Variants in VPS36 observed in about 807,000 individuals in gnomAD.
VPS36 encodes vacuolar protein-sorting-associated protein 36.
A neutral mutation model predicts 63.5 loss-of-function variants in VPS36; 31 were observed. The ratio of observed to expected loss-of-function variants is 0.49; its 90% CI spans 0.37 to 0.66. VPS36 has a LOEUF of 0.66. Ranked by LOEUF, VPS36 falls within the 30% of genes least tolerant of loss-of-function variation. The pLI is 0.00. For synonymous variants in VPS36, 138 were observed against 157.2 expected (o/e 0.88, Z 0.91); for missense variants, 338 against 463.7 (o/e 0.73, Z 2.49).
At chr13:52,441,835 T>C (rs1286564647) in intron 2 of VPS36, among the ~76,000 whole-genome samples, 1 of 152,194 alleles carries the variant, frequency 6.6e-6, no homozygotes, top group East Asian at 1.9e-4. Context: ...AAGCATGCAC[T>C]TGATGGCAGG....
At chr13:52,420,615 G>A (rs1266453979) in intron 10 of VPS36, among the ~76,000 whole-genome samples, 1 of 151,962 alleles carries the variant, frequency 6.6e-6, no homozygotes, top group Admixed American at 6.5e-5. Flanking sequence ...TTACAGGCAT[G>A]AGCCAGCGCA....
intron 3 of VPS36, among the ~76,000 whole-genome samples, chr13:52,436,917 A>T (rs187678917): frequency 2.0e-5 from 3 of 152,340 alleles, no homozygotes; most frequent in Admixed American, 1.3e-4. Context: ...ATCTAGAAAG[A>T]TATCCAATAA....
In VPS36 at chr13:52,423,661, A is replaced by T. The variant is rs114434054; in HGVS notation, c.775-22T>A. 2.3e-3 allele frequency: 3,687 copies of T among 1,595,358 alleles called. 72 individuals carry two copies. In the African/African-American group the frequency reaches 0.042, roughly 18 times the overall value. On this transcript the variant is annotated intron_variant, in intron 9 of 13. Coordinates refer to ENST00000378060, the MANE Select transcript of VPS36 (RefSeq NM_016075.4). ...GTTCCTGTTCAAATATGAAATTTTTAAAAAAGTATTATGTTACAATTACAC... is the reference window on the plus strand; with the variant it reads ...GTTCCTGTTCAAATATGAAATTTTTTAAAAAGTATTATGTTACAATTACAC...
Position 52,414,803 on chromosome 13 carries a change from T to C in VPS36, c.*1027A>G, listed in dbSNP as rs1454074424. 1.3e-5 allele frequency: 2 copies of C among 152,174 alleles called. No individual in the cohort carries two copies. Among genetic ancestry groups the C allele is most frequent in the Non-Finnish European group, 2.9e-5 (2 of 68,064 alleles). 9.4% of individuals were successfully genotyped at this position (152,174 alleles called of 1,614,324 possible). A position where few individuals can be genotyped will look rare whatever the true frequency, so the allele number is the denominator to read the frequency against. The stretch of plus-strand genomic sequence containing the variant: ...CATACTGGAGGCTGTAGCAATAACA[T>C]GTGAAGTCAGGCAGTCACTTTAAAA... On this transcript the variant is annotated 3_prime_UTR_variant, in exon 14 of 14. Coordinates refer to ENST00000378060, the MANE Select transcript of VPS36 (RefSeq NM_016075.4).
At chr13:52,442,648 G>T (rs1331510661) in intron 1 of VPS36, among the ~76,000 whole-genome samples, 5 of 152,136 alleles carry the variant, frequency 3.3e-5, no homozygotes, top group African/African-American at 1.2e-4. Flanking sequence ...AGAAAAAAAT[G>T]CAAACAACAA....
At chr13:52,437,847 G>A (rs576156548) in intron 3 of VPS36, among the ~76,000 whole-genome samples, 4 of 151,858 alleles carry the variant, frequency 2.6e-5, no homozygotes, top group Admixed American at 1.3e-4. Context: ...GGAGAATGGC[G>A]TGAACCTGGG....
intron 9 of VPS36, among the ~76,000 whole-genome samples, chr13:52,424,778 G>A (rs994096152): frequency 6.6e-6 from 1 of 152,184 alleles, no homozygotes; most frequent in Non-Finnish European, 1.5e-5. Context: ...CTGAGGTCAG[G>A]AGTTCGAGAC....
intron 1 of VPS36, chr13:52,450,015 A>AG (rs1181198543): frequency 1.0e-6 from 1 of 986,146 alleles, no homozygotes; most frequent in Non-Finnish European, 1.2e-6. Context: ...TCCAAGCTAA[A>AG]GCTTCCGCTG....
At chr13:52,433,176 T>C (rs1391945856) in intron 6 of VPS36, among the ~76,000 whole-genome samples, 2 of 152,218 alleles carry the variant, frequency 1.3e-5, no homozygotes, top group African/African-American at 4.8e-5. Flanking sequence ...CACTGGAATG[T>C]ACATGCTCAG....
Position 52,436,411 on chromosome 13 carries a change from A to G in VPS36, c.237-7T>C, listed in dbSNP as rs963251342. 9 of 1,579,840 alleles carry G rather than the reference A, an allele frequency of 5.7e-6. No homozygotes were observed. Among genetic ancestry groups the G allele is most frequent in the Non-Finnish European group, 7.8e-6 (9 of 1,152,546 alleles). On this transcript the variant is annotated splice_polypyrimidine_tract_variant and splice_region_variant and intron_variant, in intron 3 of 13. Coordinates refer to ENST00000378060, the MANE Select transcript of VPS36 (RefSeq NM_016075.4). ...ATGAACCACTATTTTGGCACTGAAGAAAGAACAAATGTAATATATTGAATT... is the reference window on the plus strand; with the variant it reads ...ATGAACCACTATTTTGGCACTGAAGGAAGAACAAATGTAATATATTGAATT...
At chr13:52,435,546 A>T (rs1958207628) in intron 4 of VPS36, among the ~76,000 whole-genome samples, 1 of 152,188 alleles carries the variant, frequency 6.6e-6, no homozygotes, top group Non-Finnish European at 1.5e-5. Flanking sequence ...TGCCAGGAAA[A>T]ATATACAACC....
At chr13:52,442,501 A>G in intron 1 of VPS36, 56 bp from the exon 2 acceptor site, 1 of 1,467,970 alleles carries the variant, frequency 6.8e-7, no homozygotes. Flanking sequence ...TGTGGTTCCG[A>G]TTTTCTTCTT....
At chr13:52,447,407 C>T (rs1022527433) in intron 1 of VPS36, among the ~76,000 whole-genome samples, 6 of 152,126 alleles carry the variant, frequency 3.9e-5, no homozygotes, top group African/African-American at 1.4e-4. Flanking sequence ...GCCAACTTGC[C>T]ACTTTACACA....
chr13:52,437,764 A>G (rs1958233493), intron 3 of VPS36, among the ~76,000 whole-genome samples: 1 of 152,096 alleles, frequency 6.6e-6, no homozygotes, highest in African/African-American at 2.4e-5. Flanking sequence ...CCCCGTCTCT[A>G]CTAAAAATAC....
intron 6 of VPS36, among the ~76,000 whole-genome samples, chr13:52,427,998 A>G (rs4886098): frequency 0.017 from 2,645 of 152,304 alleles, 75 homozygotes; most frequent in Admixed American, 0.08. Flanking sequence ...GGCTTTAAAC[A>G]GGTATTACTT....
chr13:52,449,200 C>G (rs567304613), intron 1 of VPS36, among the ~76,000 whole-genome samples: 80 of 152,178 alleles, frequency 5.3e-4, no homozygotes, highest in Non-Finnish European at 1.0e-3. Context: ...AAAAATTAGC[C>G]GGGCATGGTT....
intron 1 of VPS36, 153 bp downstream of exon 1, chr13:52,450,346 C>T: frequency 8.3e-7 from 1 of 1,201,690 alleles, no homozygotes; most frequent in African/African-American, 1.6e-5. Context: ...AGCGCAAGAG[C>T]GCTGCACCCC....
At chr13:52,446,852 T>C (rs1418419940) in intron 1 of VPS36, among the ~76,000 whole-genome samples, 1 of 151,448 alleles carries the variant, frequency 6.6e-6, no homozygotes, top group African/African-American at 2.4e-5. Context: ...CATTGGCAAT[T>C]CCTCATGCTA....
In VPS36 at chr13:52,439,153, T is replaced by C. The variant is rs760326692; in HGVS notation, c.181A>G (p.Ile61Val). The change falls in exon 3 of 14, where the codon ATT becomes GTT. Residue 61 changes from isoleucine (I) to valine (V), a missense_variant. Ile to Val is a conservative substitution (Grantham distance 29, BLOSUM62 3). Transcript: ENST00000378060. Reference sequence around the variant, plus strand: ...ATGAACACAATTTGGGAAAGGAGAATGGCCATGCAACACTCCTAGGAGGAA... The same window carrying C: ...ATGAACACAATTTGGGAAAGGAGAACGGCCATGCAACACTCCTAGGAGGAA... ...DQKNHECCMA[I>V]LLSQIVFIEE... is the part of the protein sequence containing the mutation. 1.9e-6 allele frequency: 3 copies of C among 1,613,828 alleles called. No homozygotes were observed. Among genetic ancestry groups the C allele is most frequent in the Non-Finnish European group, 2.5e-6 (3 of 1,179,922 alleles).
Sources: gnomAD v4.1 joint callset for allele counts (sites outside exome capture counted in the v4.1 genomes callset) on GRCh38, gnomAD v4.1.1 for gene constraint, MANE v1.5 for transcripts, NCBI Gene and HGNC (gene_info 2026-07-23, HGNC 2026-07-21) for gene names.